Variants in ASIC2 observed in about 807,000 individuals in gnomAD.
ASIC2 encodes the protein acid-sensing ion channel 2.
A neutral mutation model predicts 57.3 loss-of-function variants in ASIC2; 25 were observed. The ratio of observed to expected loss-of-function variants is 0.44; its 90% CI spans 0.32 to 0.61. The LOEUF is 0.61. ASIC2 is among the 20% of genes least tolerant of loss of function. The pLI is 0.06. For missense variants in ASIC2, 641 were observed against 738.1 expected (o/e 0.87, Z 1.52); for synonymous variants, 319 against 307.5 (o/e 1.04, Z -0.39).
At chr17:33,014,497 T>A (rs1030029932) in intron 9 of ASIC2, among the ~76,000 whole-genome samples, 2 of 151,758 alleles carry the variant, frequency 1.3e-5, no homozygotes, top group African/African-American at 4.8e-5. Context: ...GCAGAAACGG[T>A]AGAAGGCCTT....
intron 1 of ASIC2, among the ~76,000 whole-genome samples, chr17:34,040,398 A>AG (rs1158480168): frequency 4.8e-3 from 157 of 32,520 alleles, no homozygotes; most frequent in African/African-American, 7.2e-3. Context: ...GCTGGGAGGC[A>AG]GGGGGGGTCC....
chr17:33,942,230 A>T (rs1360343656), intron 1 of ASIC2, among the ~76,000 whole-genome samples: 1 of 152,182 alleles, frequency 6.6e-6, no homozygotes, highest in Non-Finnish European at 1.5e-5. Context: ...CAAGTGTCAC[A>T]GTCACAGCTT....
intron 1 of ASIC2, among the ~76,000 whole-genome samples, chr17:34,060,677 G>A (rs1908938774): frequency 6.6e-6 from 1 of 152,046 alleles, no homozygotes; most frequent in South Asian, 2.1e-4. Context: ...GGAAACTTTG[G>A]ACACACTTTT....
At position 33,035,666 on chromosome 17, in the gene ASIC2, A is replaced by G. The variant is rs151239382; in HGVS notation, c.988-7274T>C. Among the ~76,000 whole-genome samples the G allele has an allele frequency of 5.9e-5, 9 of 152,272 alleles. No homozygotes were observed. The East Asian group carries it at 1.7e-3, about 29-fold the overall frequency. ...TGGAAAGCCTGAGTTGTTCATCAAG[A>G]TTTTCTAATTTGGTGAGACTTATAT... On this transcript the variant is annotated intron_variant, in intron 3 of 9. Transcript: ENST00000225823.
intron 1 of ASIC2, among the ~76,000 whole-genome samples, chr17:33,572,579 G>T (rs892164047): frequency 3.3e-5 from 5 of 152,168 alleles, no homozygotes; most frequent in Non-Finnish European, 7.3e-5. Flanking sequence ...AAATAGGGGA[G>T]TTCTGAAACT....
At chr17:33,419,848 C>G (rs137989070) in intron 1 of ASIC2, among the ~76,000 whole-genome samples, 2 of 151,946 alleles carry the variant, frequency 1.3e-5, no homozygotes, top group East Asian at 1.9e-4. Flanking sequence ...GTTGATGAAA[C>G]TATCTTTGAG....
intron 1 of ASIC2, among the ~76,000 whole-genome samples, chr17:33,563,958 T>A (rs1916154273): frequency 6.6e-6 from 1 of 152,116 alleles, no homozygotes; most frequent in Admixed American, 6.5e-5. Flanking sequence ...CTAACTCTGG[T>A]ACTCGAATAT....
In ASIC2 at chr17:33,775,093, C is replaced by T. The variant is rs551808530; in HGVS notation, c.555+380885G>A. 4.6e-5 allele frequency among the ~76,000 whole-genome samples: 7 copies of T among 152,256 alleles called. No individual in the cohort carries two copies. In the East Asian group the frequency reaches 1.2e-3, roughly 25 times the overall value. ...TACTGTGCAAGGCTTGGAAGCGATC[C>T]CATCCGGGCTTGGGAGAGACAGGAG... On this transcript the variant is annotated intron_variant, in intron 1 of 9. Coordinates refer to the ASIC2 transcript ENST00000359872.
intron 1 of ASIC2, among the ~76,000 whole-genome samples, chr17:33,443,840 G>A (rs1911918384): frequency 6.6e-6 from 1 of 151,962 alleles, no homozygotes; most frequent in Non-Finnish European, 1.5e-5. Flanking sequence ...GACTTAATCT[G>A]CAGAACCTTT....
chr17:33,127,808 T>C (rs2092329852), intron 1 of ASIC2, among the ~76,000 whole-genome samples: 1 of 152,182 alleles, frequency 6.6e-6, no homozygotes, highest in Admixed American at 6.5e-5. Flanking sequence ...ATTTTCCACA[T>C]GGCAGTCAGG....
chr17:34,053,947 A>G (rs1321834860), intron 1 of ASIC2, among the ~76,000 whole-genome samples: 1 of 152,218 alleles, frequency 6.6e-6, no homozygotes, highest in East Asian at 1.9e-4. Context: ...TAAGACCTCC[A>G]TTCTGTACAG....
intron 1 of ASIC2, among the ~76,000 whole-genome samples, chr17:33,488,941 C>T (rs1195226747): frequency 2.0e-5 from 3 of 152,088 alleles, no homozygotes; most frequent in Admixed American, 1.3e-4. Context: ...AGACTCTTCA[C>T]CTGGTCTGAC....
intron 1 of ASIC2, among the ~76,000 whole-genome samples, chr17:33,625,137 A>G (rs138551606): frequency 0.057 from 7,370 of 130,234 alleles, 223 homozygotes; most frequent in Non-Finnish European, 0.084. Context: ...CTGTCTATCT[A>G]TCTATCTATC....
chr17:34,029,609 A>T (rs1409059425), intron 1 of ASIC2, among the ~76,000 whole-genome samples: 2 of 152,212 alleles, frequency 1.3e-5, no homozygotes, highest in Non-Finnish European at 2.9e-5. Flanking sequence ...AAATGAGGTC[A>T]TACCAGTAAG....
chr17:33,416,351 C>T (rs1910840547), intron 1 of ASIC2, among the ~76,000 whole-genome samples: 1 of 152,220 alleles, frequency 6.6e-6, no homozygotes, highest in South Asian at 2.1e-4. Context: ...TTGACATCCA[C>T]ACTTCCTCTT....
chr17:33,603,950 C>G (rs948354475), intron 1 of ASIC2, among the ~76,000 whole-genome samples: 4 of 152,140 alleles, frequency 2.6e-5, no homozygotes, highest in Non-Finnish European at 5.9e-5. Flanking sequence ...CAGAGGGTCA[C>G]GTGGGAGGTT....
intron 1 of ASIC2, among the ~76,000 whole-genome samples, chr17:33,718,323 C>A (rs1909285235): frequency 3.3e-5 from 5 of 152,094 alleles, no homozygotes; most frequent in Admixed American, 3.3e-4. Flanking sequence ...GCTAGTTGAA[C>A]CCGTGGATAC....
At chr17:33,855,111 G>A (rs936633029) in intron 1 of ASIC2, among the ~76,000 whole-genome samples, 8 of 152,178 alleles carry the variant, frequency 5.3e-5, no homozygotes, top group Non-Finnish European at 1.0e-4. Context: ...GTTACCAATT[G>A]TGCAGGCCAA....
chr17:33,967,552 C>G (rs893436943), intron 1 of ASIC2, among the ~76,000 whole-genome samples: 1 of 152,166 alleles, frequency 6.6e-6, no homozygotes, highest in African/African-American at 2.4e-5. Context: ...AATTCTTAAA[C>G]ACAACTTTGA....
Sources: gnomAD v4.1 joint callset for allele counts (sites outside exome capture counted in the v4.1 genomes callset) on GRCh38, gnomAD v4.1.1 for gene constraint, MANE v1.5 for transcripts, NCBI Gene and HGNC (gene_info 2026-07-23, HGNC 2026-07-21) for gene names.